Variants in GPR89B observed in about 807,000 individuals in gnomAD.
The protein encoded by GPR89B is golgi pH regulator B, also known as G protein-coupled receptor 89B.
In GPR89B, 25 loss-of-function variants were observed where a neutral mutation model predicts 52.4. That is an observed-to-expected ratio of 0.48 (90% CI 0.35 to 0.67). The LOEUF (loss-of-function observed/expected upper bound fraction) is 0.67. Ranked by LOEUF, GPR89B falls within the 30% of genes least tolerant of loss-of-function variation. The pLI, the probability that GPR89B is intolerant of heterozygous loss-of-function variation, is 0.01. For missense variants in GPR89B, 146 were observed against 450.2 expected (o/e 0.32, Z 6.11); for synonymous variants, 52 against 151.2 (o/e 0.34, Z 4.81).
At chr1:147,932,359 G>T (rs1342640128) in intron 1 of GPR89B, among the ~76,000 whole-genome samples, 1 of 151,858 alleles carries the variant, frequency 6.6e-6, no homozygotes, top group African/African-American at 2.4e-5. Context: ...GTATATGTAA[G>T]TCCACACTTG....
chr1:148,013,177 AGG>A, the GPR89B span, among the ~76,000 whole-genome samples: 3 of 152,080 alleles, frequency 2.0e-5, 1 homozygote, highest in African/African-American at 7.3e-5. Flanking sequence ...GAGGCACAAA[AGG>A]AAGATAGGCA....
At chr1:148,024,013 C>T in the GPR89B span, among the ~76,000 whole-genome samples, 1,021 of 146,894 alleles carry the variant, frequency 7.0e-3, 148 homozygotes, top group African/African-American at 0.025. Context: ...TTCTTTGCCA[C>T]GTCTGATGTT....
In GPR89B at chr1:147,928,974, G is replaced by T. The variant is rs587759166; in HGVS notation, c.42+396G>T. ...GTTCTGGGCGCGCGGTGTGCGACGC[G>T]CCAATACTGGATACTGAGGACACGT... is the stretch of plus-strand genomic sequence containing the variant. On this transcript the variant is annotated intron_variant, in intron 1 of 13. Coordinates refer to ENST00000314163, the MANE Select transcript of GPR89B (RefSeq NM_016334.5). 77 of 334,442 alleles carry T rather than the reference G, an allele frequency of 2.3e-4. 1 individual carries two copies. In the Admixed American group the frequency reaches 4.7e-3, roughly 20 times the overall value. 20.7% of individuals were successfully genotyped at this position (334,442 alleles called of 1,614,324 possible).
intron 2 of GPR89B, among the ~76,000 whole-genome samples, chr1:147,937,768 A>G (rs1654212282): frequency 1.3e-5 from 2 of 152,182 alleles, no homozygotes; most frequent in African/African-American, 4.8e-5. Context: ...AGGGTGCACT[A>G]ATTTCATATT....
intron 5 of GPR89B, among the ~76,000 whole-genome samples, chr1:147,950,959 A>G (rs1430280124): frequency 1.3e-5 from 2 of 151,992 alleles, no homozygotes; most frequent in Non-Finnish European, 2.9e-5. Context: ...GGAGAGGGAG[A>G]TGGGGGAGAG....
intron 5 of GPR89B, among the ~76,000 whole-genome samples, chr1:147,947,794 A>C (rs1281742618): frequency 6.6e-6 from 1 of 151,900 alleles, no homozygotes; most frequent in Non-Finnish European, 1.5e-5. Context: ...ACATTTGTTG[A>C]ACACCTCATA....
chr1:147,935,556 C>T (rs1308558261), intron 1 of GPR89B, among the ~76,000 whole-genome samples: 1 of 152,078 alleles, frequency 6.6e-6, no homozygotes, highest in African/African-American at 2.4e-5. Context: ...AAGAGGGATC[C>T]TGCAATCTCT....
chr1:147,988,131 T>C (rs1658800004), intron 11 of GPR89B, among the ~76,000 whole-genome samples: 1 of 151,840 alleles, frequency 6.6e-6, no homozygotes, highest in South Asian at 2.1e-4. Context: ...TGTGGGAGTA[T>C]TGCTTGAGCC....
chr1:147,950,231 A>G (rs1655521854), intron 5 of GPR89B, among the ~76,000 whole-genome samples: 2 of 150,612 alleles, frequency 1.3e-5, no homozygotes, highest in Admixed American at 1.3e-4. Flanking sequence ...GCGGCTGGGC[A>G]GAGACGCTCC....
At chr1:147,986,377 T>G in intron 11 of GPR89B, 83 bp downstream of exon 11, 4 of 1,561,470 alleles carry the variant, frequency 2.6e-6, no homozygotes, top group Non-Finnish European at 3.5e-6. Context: ...CTAATTTGTA[T>G]ACTTTAGGTA....
chr1:147,988,350 T>C (rs1451870756), intron 11 of GPR89B, 82 bp from the exon 12 acceptor site: 40 of 1,586,688 alleles, frequency 2.5e-5, no homozygotes, highest in Middle Eastern at 4.5e-4. Context: ...CTCACAGTCA[T>C]GTAAATGATT....
intron 7 of GPR89B, among the ~76,000 whole-genome samples, chr1:147,958,987 G>T (rs1197305001): frequency 6.6e-6 from 1 of 152,188 alleles, no homozygotes; most frequent in African/African-American, 2.4e-5. Flanking sequence ...AACTGTTTTT[G>T]TTGTTTACAA....
In GPR89B at chr1:147,969,990, T is replaced by C. The variant is rs1253545275; in HGVS notation, c.909+31T>C. The C allele has an allele frequency of 4.2e-6, 5 of 1,185,456 alleles. No individual in the cohort carries two copies. In the East Asian group the frequency reaches 1.0e-4, roughly 25 times the overall value. The allele number at this position is 1,185,456 out of a possible 1,614,324, so 73.4% of individuals were successfully genotyped here. ...TATGTTATTTTTAATTATCAGAGTT[T>C]AGATGTTTTTTCCTGGTAGTGGCAG... On this transcript the variant is annotated intron_variant, in intron 10 of 13. Transcript: ENST00000314163.
the GPR89B span, among the ~76,000 whole-genome samples, chr1:148,004,159 C>T: frequency 6.9e-6 from 1 of 144,336 alleles, no homozygotes; most frequent in East Asian, 2.0e-4. Context: ...GTATTTATCG[C>T]CTTTTTTTTT....
downstream of GPR89B, among the ~76,000 whole-genome samples, chr1:147,998,283 A>G (rs1659363367): frequency 7.0e-6 from 1 of 143,874 alleles, no homozygotes; most frequent in South Asian, 2.4e-4. Context: ...CCTGACTAAA[A>G]TTAGATTTTT....
At chr1:147,976,707 G>A (rs1657850289) in intron 10 of GPR89B, among the ~76,000 whole-genome samples, 1 of 151,866 alleles carries the variant, frequency 6.6e-6, no homozygotes, top group South Asian at 2.1e-4. Flanking sequence ...TGGTTATTTT[G>A]CAGACTTGTT....
rs587740499 is a variant in GPR89B at position 147,938,902 on chromosome 1, A to G, written c.206+85A>G. ...AAAAGCTATTGGATCTCATAACTGA[A>G]AAAAAAAAAAACACTGTGTTAATAG... On this transcript the variant is annotated intron_variant, in intron 3 of 13. Transcript: ENST00000314163. 1.0e-4 allele frequency: 159 copies of G among 1,520,992 alleles called. 1 individual carries two copies. The highest frequency in any genetic ancestry group is 1.1e-5 in the Non-Finnish European group (12 of 1,126,864). 94.2% of individuals were successfully genotyped at this position (1,520,992 alleles called of 1,614,324 possible). A position where few individuals can be genotyped will look rare whatever the true frequency, so the allele number is the denominator to read the frequency against.
intron 7 of GPR89B, among the ~76,000 whole-genome samples, chr1:147,955,381 C>G (rs1656042598): frequency 6.6e-6 from 1 of 151,954 alleles, no homozygotes; most frequent in African/African-American, 2.4e-5. Context: ...ACAGATATCT[C>G]TTTGACATTT....
At chr1:147,979,686 A>T (rs1225128951) in intron 10 of GPR89B, among the ~76,000 whole-genome samples, 1 of 151,828 alleles carries the variant, frequency 6.6e-6, no homozygotes, top group Non-Finnish European at 1.5e-5. Flanking sequence ...ATATTCATTA[A>T]TTTTTGAATA....
Sources: gnomAD v4.1 joint callset for allele counts (sites outside exome capture counted in the v4.1 genomes callset) on GRCh38, gnomAD v4.1.1 for gene constraint, MANE v1.5 for transcripts, NCBI Gene and HGNC (gene_info 2026-07-23, HGNC 2026-07-21) for gene names.